The following ASTL variants were observed in gnomAD, a reference collection of about 807,000 sequenced individuals.
ASTL encodes astacin like metalloendopeptidase.
A neutral mutation model predicts 36.7 loss-of-function variants in ASTL; 27 were observed. That is an observed-to-expected ratio of 0.73 (90% confidence interval 0.54 to 1.01). ASTL has a LOEUF of 1.01. Ranked by LOEUF, ASTL falls within the 50% of genes least tolerant of loss-of-function variation. The pLI, the probability that ASTL is intolerant of heterozygous loss-of-function variation, is 0.00. For missense variants in ASTL, 524 were observed against 572.8 expected, an observed-to-expected ratio of 0.91 and a Z score of 0.87; for synonymous variants, 222 against 228.1, an observed-to-expected ratio of 0.97 and a Z score of 0.24.
chr2:96,124,944 CCT>C lies in ASTL; in HGVS notation c.875-675_875-674del, dbSNP rs1334312496. On this transcript the variant is annotated intron_variant, in intron 8 of 8. Transcript: ENST00000342380. This position sits in a 1 kb window ranked among gnomAD's most constrained non-coding sequence, Gnocchi z 4.1. ...TCAACTGGTGACTCTTCTACCAGGTCCTGTTAGCCTCACAGCCCACACCGCCC... is the reference window on the plus strand; with the variant it reads ...TCAACTGGTGACTCTTCTACCAGGTCGTTAGCCTCACAGCCCACACCGCCC... 6.6e-6 allele frequency among the ~76,000 whole-genome samples: 1 copy of C among 152,222 alleles called. No individual in the cohort carries two copies. The highest frequency in any genetic ancestry group is 2.4e-5 in the African/African-American group (1 of 41,454).
At chr2:96,127,960 C>T (rs1682096906) in intron 8 of ASTL, among the ~76,000 whole-genome samples, 1 of 152,144 alleles carries the variant, frequency 6.6e-6, no homozygotes, top group African/African-American at 2.4e-5. Flanking sequence ...GGGCCAGGCA[C>T]AGTGGCTCAC....
intron 6 of ASTL, among the ~76,000 whole-genome samples, chr2:96,131,688 G>A (rs952567627): frequency 6.6e-6 from 1 of 152,088 alleles, no homozygotes; most frequent in African/African-American, 2.4e-5. Context: ...CTGAGAAAGC[G>A]GTGTTTGGGG....
intron 8 of ASTL, among the ~76,000 whole-genome samples, chr2:96,128,404 T>G (rs751863938): frequency 6.6e-6 from 1 of 152,238 alleles, no homozygotes; most frequent in African/African-American, 2.4e-5. Context: ...GAGATCTTAC[T>G]ATATATTTTT....
chr2:96,137,541 C>A, intron 2 of ASTL, 34 bp downstream of exon 2: 1 of 1,606,134 alleles, frequency 6.2e-7, no homozygotes, highest in Non-Finnish European at 8.5e-7. Flanking sequence ...AACGTCGTGC[C>A]CCTCCAGGCC....
In ASTL at chr2:96,130,073, T is replaced by C. The variant is rs911444546; in HGVS notation, c.710A>G (p.His237Arg). The change falls in exon 7 of 9, where the codon CAC (histidine) becomes CGC (arginine). Residue 237 changes from histidine (H) to arginine (R), a missense_variant. His to Arg is a conservative substitution (Grantham distance 29). Coordinates refer to ENST00000342380, the MANE Select transcript of ASTL (RefSeq NM_001002036.4). The stretch of plus-strand genomic sequence containing the variant: ...AAGGCAGGGTCCTCACCTCCCATAG[T>C]GCATCACAGAGGAGTAGTCATAGGG... ...LTPYDYSSVM[H>R]YGRLAFSRRG... 1.2e-6 allele frequency: 2 copies of C among 1,613,994 alleles called. No homozygotes were observed. The highest frequency in any genetic ancestry group is 1.7e-6 in the Non-Finnish European group (2 of 1,179,838).
intron 8 of ASTL, among the ~76,000 whole-genome samples, chr2:96,127,485 T>C (rs530127839): frequency 7.9e-5 from 12 of 152,350 alleles, no homozygotes; most frequent in African/African-American, 2.9e-4. Flanking sequence ...TAGACTTCAT[T>C]TGCATTTCCT....
intron 8 of ASTL, among the ~76,000 whole-genome samples, chr2:96,129,189 T>G (rs1314770803): frequency 6.6e-6 from 1 of 152,250 alleles, no homozygotes; most frequent in Non-Finnish European, 1.5e-5. Context: ...TATTTAACGA[T>G]TTTAATAAAG....
rs569841592 is a variant in ASTL at position 96,123,692 on chromosome 2, A to G, written c.*158T>C. 6.6e-6 allele frequency among the ~76,000 whole-genome samples: 1 copy of G among 152,152 alleles called. No homozygotes were observed. Among genetic ancestry groups the G allele is most frequent in the African/African-American group, 2.4e-5 (1 of 41,428 alleles). The stretch of plus-strand genomic sequence containing the variant: ...TGGCCCTAGGAGCCCTTAGGGGAAC[A>G]CAGTGAAGAGAGACAGGGGAAGAGT... On this transcript the variant is annotated 3_prime_UTR_variant, in exon 9 of 9. Coordinates refer to ENST00000342380, the MANE Select transcript of ASTL (RefSeq NM_001002036.4).
chr2:96,136,034 G>C (rs1573916899), intron 2 of ASTL, among the ~76,000 whole-genome samples: 1 of 152,150 alleles, frequency 6.6e-6, no homozygotes, highest in South Asian at 2.1e-4. Flanking sequence ...ACCATCAGAG[G>C]CAGGCAAATA....
chr2:96,134,288 A>G (rs538516410), intron 3 of ASTL, among the ~76,000 whole-genome samples: 29 of 152,360 alleles, frequency 1.9e-4, no homozygotes, highest in Admixed American at 4.6e-4. Context: ...AAGAATTTCA[A>G]TCTCAAGCAA....
chr2:96,132,413 TC>T lies in ASTL; in HGVS notation c.637+126del. On this transcript the variant is annotated intron_variant, in intron 6 of 8. Transcript: ENST00000342380. This position sits in a 1 kb window ranked among gnomAD's most constrained non-coding sequence, Gnocchi z 5.4. Reference sequence around the variant, plus strand: ...CCAGACAGAAGTGAGACCCCCACCTTCCCCACAGGAAGCAGGCAGGTGATGG... The same window carrying T: ...CCAGACAGAAGTGAGACCCCCACCTTCCCACAGGAAGCAGGCAGGTGATGG... The T allele has an allele frequency of 1.2e-6, 1 of 838,832 alleles. No individual in the cohort carries two copies. The highest frequency in any genetic ancestry group is 1.8e-6 in the Non-Finnish European group (1 of 556,362). The allele number at this position is 838,832 out of a possible 1,614,324, so 52.0% of individuals were successfully genotyped here.
Position 96,132,724 on chromosome 2 carries a change from G to T in ASTL, c.456-3C>A. The T allele has an allele frequency of 2.5e-6, 4 of 1,604,906 alleles. No homozygotes were observed. The highest frequency in any genetic ancestry group is 3.4e-6 in the Non-Finnish European group (4 of 1,173,014). On this transcript the variant is annotated splice_polypyrimidine_tract_variant and splice_region_variant and intron_variant, in intron 5 of 8. Coordinates refer to ENST00000342380, the MANE Select transcript of ASTL (RefSeq NM_001002036.4). The surrounding 1 kb of genome is among the most constrained non-coding windows in gnomAD (Gnocchi z 5.4). ...TGCGCCCCACACTCGAGAAGCACCT[G>T]CAGGGTGATGAGAGCAAGTGGGGTA...
At position 96,134,184 on chromosome 2, in the gene ASTL, A is replaced by G. The variant is rs1052653090; in HGVS notation, c.244-126T>C. ...GGAGTCAGGACCTGTGTGCATGGGA[A>G]TGGGGGACCATTAGAGATGGGACAG... On this transcript the variant is annotated intron_variant, in intron 3 of 8. Coordinates refer to ENST00000342380, the MANE Select transcript of ASTL (RefSeq NM_001002036.4). The G allele has an allele frequency of 5.8e-6, 4 of 688,616 alleles. No individual in the cohort carries two copies. In the African/African-American group the frequency reaches 7.0e-5, roughly 12 times the overall value. The allele number at this position is 688,616 out of a possible 1,614,324, so 42.7% of individuals were successfully genotyped here. A position where few individuals can be genotyped will look rare whatever the true frequency, so the allele number is the denominator to read the frequency against.
At chr2:96,128,989 G>T (rs888692937) in intron 8 of ASTL, among the ~76,000 whole-genome samples, 1 of 151,266 alleles carries the variant, frequency 6.6e-6, no homozygotes, top group Non-Finnish European at 1.5e-5. Flanking sequence ...GCAGTGAGCC[G>T]AGATTGTGCC....
chr2:96,135,767 G>T (rs535510923), intron 2 of ASTL, among the ~76,000 whole-genome samples: 2 of 152,286 alleles, frequency 1.3e-5, no homozygotes, highest in African/African-American at 2.4e-5. Flanking sequence ...CCTCAGGGAA[G>T]TCACACAGTC....
At chr2:96,127,260 C>A (rs1021339191) in intron 8 of ASTL, among the ~76,000 whole-genome samples, 1 of 152,154 alleles carries the variant, frequency 6.6e-6, no homozygotes, top group Admixed American at 6.5e-5. Flanking sequence ...AGGGAGAGGG[C>A]ATTTGCATGC....
chr2:96,124,340 C>A lies in ASTL; in HGVS notation c.875-69G>T. The A allele has an allele frequency of 2.2e-6, 3 of 1,381,948 alleles. No homozygotes were observed. The highest frequency in any genetic ancestry group is 3.1e-5 in the Admixed American group (1 of 32,572). The allele number at this position is 1,381,948 out of a possible 1,614,324, so 85.6% of individuals were successfully genotyped here. On this transcript the variant is annotated intron_variant, in intron 8 of 8. Transcript: ENST00000342380. This position sits in a 1 kb window ranked among gnomAD's most constrained non-coding sequence, Gnocchi z 4.1. ...TGACATGTGGCCCAGCTGTGCGGAC[C>A]CAGAGCTGGCTCAGCTCACAGGAGT...
In ASTL at chr2:96,123,960, T is replaced by C. The variant is rs1226268225; in HGVS notation, c.1186A>G (p.Thr396Ala). The change falls in exon 9 of 9, where the codon ACA becomes GCA. Residue 396 changes from threonine (T) to alanine (A), a missense_variant. Physicochemically the swap from Thr to Ala is moderately conservative, Grantham distance 58. Coordinates refer to ENST00000342380, the MANE Select transcript of ASTL (RefSeq NM_001002036.4). ...ATTCCTGCTTCTGAAGATGGGACTGTGGGCTTGGTGGACACTCCGGCCAGC... is the reference window on the plus strand; with the variant it reads ...ATTCCTGCTTCTGAAGATGGGACTGCGGGCTTGGTGGACACTCCGGCCAGC... The part of the protein sequence containing the change: ...SWLAGVSTKP[T>A]VPSSEAGIQP... 9 of 1,613,894 alleles carry C rather than the reference T, an allele frequency of 5.6e-6. No homozygotes were observed. The highest frequency in any genetic ancestry group is 7.6e-6 in the Non-Finnish European group (9 of 1,180,002).
intron 8 of ASTL, among the ~76,000 whole-genome samples, chr2:96,129,487 A>G (rs537466605): frequency 4.4e-4 from 67 of 152,150 alleles, no homozygotes; most frequent in African/African-American, 1.4e-3. Flanking sequence ...GGTGCCCAGG[A>G]CCTCCACTGC....
Sources: allele counts gnomAD v4.1 joint callset (sites outside exome capture counted in the v4.1 genomes callset), GRCh38; gene constraint gnomAD v4.1.1; non-coding constraint Gnocchi (gnomAD v3.1); transcripts MANE v1.5; gene names NCBI Gene and HGNC (gene_info 2026-07-23, HGNC 2026-07-21).